EML1: variants seen among roughly 807,000 people sequenced by gnomAD.
The protein encoded by EML1 is EMAP like 1.
Under a neutral mutation model 110.4 loss-of-function variants are expected in EML1, and 27 were observed. The ratio of observed to expected loss-of-function variants is 0.24; its 90% CI spans 0.18 to 0.34. The LOEUF is 0.34. Ranked by LOEUF, EML1 falls within the 10% of genes least tolerant of loss-of-function variation. The pLI is 1.00. For missense variants in EML1, 741 were observed against 1,030.9 expected, an observed-to-expected ratio of 0.72 and a Z score of 3.85; for synonymous variants, 344 against 385.8, an observed-to-expected ratio of 0.89 and a Z score of 1.27.
intron 12 of EML1, 38 bp from the exon 13 acceptor site, chr14:99,911,384 T>A (rs772693823): frequency 6.5e-7 from 1 of 1,548,192 alleles, no homozygotes; most frequent in Admixed American, 2.4e-5. Flanking sequence ...GGCAACCTTT[T>A]GACAATGTGC....
intron 1 of EML1, among the ~76,000 whole-genome samples, chr14:99,843,831 G>A (rs542364034): frequency 6.6e-6 from 1 of 152,298 alleles, no homozygotes; most frequent in African/African-American, 2.4e-5. Flanking sequence ...CCTACACAAT[G>A]GTTGTTACAC....
intron 7 of EML1, among the ~76,000 whole-genome samples, chr14:99,897,878 A>G (rs1177710914): frequency 1.3e-5 from 2 of 152,162 alleles, no homozygotes; most frequent in African/African-American, 4.8e-5. Flanking sequence ...TTGGTCAATG[A>G]TAAAAATCCT....
At chr14:99,751,942 T>C (rs1187122754) in intron 1 of EML1, among the ~76,000 whole-genome samples, 1 of 152,236 alleles carries the variant, frequency 6.6e-6, no homozygotes, top group East Asian at 1.9e-4. Context: ...ACATCCGTTT[T>C]ACGGGCACGT....
intron 1 of EML1, among the ~76,000 whole-genome samples, chr14:99,842,870 A>G (rs2058653880): frequency 6.6e-6 from 1 of 152,176 alleles, no homozygotes; most frequent in Non-Finnish European, 1.5e-5. Flanking sequence ...TGGCAGCCAC[A>G]ATAAATGTGC....
chr14:99,819,556 C>T (rs920559804), intron 1 of EML1, among the ~76,000 whole-genome samples: 26 of 152,244 alleles, frequency 1.7e-4, no homozygotes, highest in African/African-American at 5.1e-4. Context: ...GTGGCCACGA[C>T]GGAAATGATG....
At chr14:99,932,060 C>T (rs999437539) in intron 17 of EML1, among the ~76,000 whole-genome samples, 1 of 152,110 alleles carries the variant, frequency 6.6e-6, no homozygotes, top group South Asian at 2.1e-4. Flanking sequence ...GTGCTAAGGA[C>T]GTGGAAACCT....
intron 2 of EML1, among the ~76,000 whole-genome samples, chr14:99,864,786 C>CA (rs1473288172): frequency 8.5e-6 from 1 of 117,794 alleles, no homozygotes; most frequent in Non-Finnish European, 1.7e-5. Flanking sequence ...GCCTGAGCAA[C>CA]AAGAGTGAAA....
At chr14:99,935,362 A>C (rs1359885240) in intron 17 of EML1, among the ~76,000 whole-genome samples, 1 of 152,030 alleles carries the variant, frequency 6.6e-6, no homozygotes, top group Non-Finnish European at 1.5e-5. Flanking sequence ...CTGTAGTCCC[A>C]GATACTTCCC....
At chr14:99,860,362 C>T (rs764741508) in intron 2 of EML1, among the ~76,000 whole-genome samples, 4 of 152,108 alleles carry the variant, frequency 2.6e-5, no homozygotes, top group African/African-American at 2.4e-5. Context: ...TAGCACATGA[C>T]GAGCAGAAAA....
intron 1 of EML1, among the ~76,000 whole-genome samples, chr14:99,811,509 C>A (rs946294522): frequency 2.0e-5 from 3 of 151,408 alleles, no homozygotes; most frequent in African/African-American, 7.3e-5. Context: ...GAAAATGTTA[C>A]TAAGAAAATC....
At chr14:99,833,739 ATTTATCCC>A (rs2058496753) in intron 1 of EML1, among the ~76,000 whole-genome samples, 1 of 152,158 alleles carries the variant, frequency 6.6e-6, no homozygotes, top group African/African-American at 2.4e-5. Context: ...CTTTTGCCAT[ATTTATCCC>A]TAAGCATTTC....
upstream of EML1, among the ~76,000 whole-genome samples, chr14:99,771,080 G>A (rs1477976462): frequency 2.6e-5 from 4 of 152,060 alleles, no homozygotes; most frequent in South Asian, 2.1e-4. Context: ...CACCGCGCCC[G>A]GCCTCCCACT....
upstream of EML1, among the ~76,000 whole-genome samples, chr14:99,790,898 T>C (rs1314827976): frequency 1.4e-5 from 2 of 142,808 alleles, no homozygotes; most frequent in African/African-American, 2.6e-5. Context: ...TACTCTGTCA[T>C]CTAGGCTGGA....
intron 1 of EML1, among the ~76,000 whole-genome samples, chr14:99,823,194 A>G (rs745384908): frequency 3.3e-5 from 5 of 152,124 alleles, no homozygotes; most frequent in Admixed American, 6.5e-5. Flanking sequence ...GTCCAGACTC[A>G]GTTGCTTTTA....
chr14:99,918,067 G>A (rs1410638709), intron 16 of EML1, among the ~76,000 whole-genome samples: 1 of 152,076 alleles, frequency 6.6e-6, no homozygotes, highest in Non-Finnish European at 1.5e-5. Flanking sequence ...CCTCTCTCCT[G>A]GAAAAGGACC....
intron 19 of EML1, among the ~76,000 whole-genome samples, chr14:99,937,395 G>A (rs1365097400): frequency 6.6e-6 from 1 of 152,132 alleles, no homozygotes; most frequent in Admixed American, 6.6e-5. Flanking sequence ...GGAGGCCCTT[G>A]GTTTGACTGG....
At chr14:99,805,779 GA>G (rs1355052735) in intron 1 of EML1, among the ~76,000 whole-genome samples, 4 of 151,792 alleles carry the variant, frequency 2.6e-5, no homozygotes, top group Admixed American at 2.0e-4. Flanking sequence ...CCCAGCCCTA[GA>G]ACCCTTTTTT....
At chr14:99,814,989 G>A (rs1013789507) in intron 1 of EML1, among the ~76,000 whole-genome samples, 25 of 152,178 alleles carry the variant, frequency 1.6e-4, no homozygotes, top group African/African-American at 5.8e-4. Flanking sequence ...ACACAGCTAG[G>A]GAGGGGCAGA....
intron 1 of EML1, among the ~76,000 whole-genome samples, chr14:99,831,897 A>G (rs2058462491): frequency 6.7e-6 from 1 of 150,116 alleles, no homozygotes; most frequent in African/African-American, 2.5e-5. Flanking sequence ...AGCTTTCTTG[A>G]GGTATCAACC....
Sources: gnomAD v4.1 joint callset for allele counts (sites outside exome capture counted in the v4.1 genomes callset) on GRCh38, gnomAD v4.1.1 for gene constraint, MANE v1.5 for transcripts, NCBI Gene and HGNC (gene_info 2026-07-23, HGNC 2026-07-21) for gene names.